The following MSI2 variants were observed in gnomAD, a reference collection of about 807,000 sequenced individuals.
MSI2 encodes RNA-binding protein Musashi homolog 2.
A neutral mutation model predicts 45.6 loss-of-function variants in MSI2; 17 were observed. The observed-to-expected ratio is 0.37, with a 90% CI of 0.26 to 0.56. The LOEUF is 0.56. Ranked by LOEUF, MSI2 falls within the 20% of genes least tolerant of loss-of-function variation. The pLI, the probability that MSI2 is intolerant of heterozygous loss-of-function variation, is 0.77. For synonymous variants in MSI2, 156 were observed against 158.2 expected, an observed-to-expected ratio of 0.99 and a Z score of 0.11; for missense variants, 293 against 444.2, an observed-to-expected ratio of 0.66 and a Z score of 3.06.
chr17:57,589,686 A>T (rs1043637410), intron 7 of MSI2, among the ~76,000 whole-genome samples: 1 of 152,098 alleles, frequency 6.6e-6, no homozygotes, highest in African/African-American at 2.4e-5. Flanking sequence ...CACCAAATCC[A>T]TCCCTGAACA....
At chr17:57,548,487 T>C (rs376250299) in intron 7 of MSI2, among the ~76,000 whole-genome samples, 1 of 152,170 alleles carries the variant, frequency 6.6e-6, no homozygotes. Flanking sequence ...TCATTTCCGA[T>C]GTGTCAGGAT....
chr17:57,627,076 C>A lies in MSI2; in HGVS notation c.653-153C>A, dbSNP rs1034702990. ...CCCCCGGCCACAGGAGAGAGGTGAC[C>A]CAGACCCTTAATAAAAAAACCCTCA... On this transcript the variant is annotated intron_variant, in intron 9 of 13. Transcript: ENST00000284073. This position sits in a 1 kb window ranked among gnomAD's most constrained non-coding sequence, Gnocchi z 4.6. The A allele has an allele frequency of 1.3e-5, 9 of 711,642 alleles. No individual in the cohort carries two copies. Among genetic ancestry groups the A allele is most frequent in the Non-Finnish European group, 2.0e-5 (8 of 406,822 alleles). 44.1% of individuals were successfully genotyped at this position (711,642 alleles called of 1,614,324 possible).
chr17:57,445,203 T>C (rs1197170671), intron 6 of MSI2, among the ~76,000 whole-genome samples: 2 of 152,168 alleles, frequency 1.3e-5, no homozygotes, highest in African/African-American at 4.8e-5. Context: ...TGTGAAATTT[T>C]TAGGAGATGA....
At chr17:57,328,387 C>T (rs1913995577) in intron 5 of MSI2, among the ~76,000 whole-genome samples, 1 of 152,234 alleles carries the variant, frequency 6.6e-6, no homozygotes, top group Non-Finnish European at 1.5e-5. Context: ...CTTCATCCAT[C>T]AATCCATCCA....
At chr17:57,459,496 A>AT (rs1353057795) in intron 6 of MSI2, among the ~76,000 whole-genome samples, 1 of 152,152 alleles carries the variant, frequency 6.6e-6, no homozygotes, top group Non-Finnish European at 1.5e-5. Flanking sequence ...AGGTCCATAA[A>AT]TGTCCCGAGG....
chr17:57,613,727 G>A (rs1008220925), intron 8 of MSI2, among the ~76,000 whole-genome samples: 3 of 152,152 alleles, frequency 2.0e-5, no homozygotes, highest in African/African-American at 7.2e-5. Flanking sequence ...TTTATTAGCC[G>A]TCTGTGAATT....
rs148675017 is a variant in MSI2 at position 57,616,014 on chromosome 17, T to C, written c.582T>C (p.Pro194=). 8.5e-5 allele frequency: 137 copies of C among 1,614,192 alleles called. No individual in the cohort carries two copies. The African/African-American group carries it at 1.5e-3, about 18-fold the overall frequency. ...KAQPKEVMFP[P]GTRGRARGLP... ...AGCCGAAAGAAGTCATGTTCCCACC[T>C]GGGACAAGAGGCCGGGCCCGGGGAC... The change falls in exon 9 of 14, where the codon CCT becomes CCC. Residue 194 remains proline (P), a synonymous_variant. Coordinates refer to ENST00000284073, the MANE Select transcript of MSI2 (RefSeq NM_138962.4).
chr17:57,606,461 C>G (rs1164130843), intron 8 of MSI2: 1 of 152,210 alleles, frequency 6.6e-6, no homozygotes, highest in Non-Finnish European at 1.5e-5. Flanking sequence ...GGAGCCTTAG[C>G]CCTAGGCTAG....
chr17:57,466,370 C>T (rs1008450281), intron 6 of MSI2, among the ~76,000 whole-genome samples: 10 of 152,180 alleles, frequency 6.6e-5, no homozygotes, highest in South Asian at 2.1e-4. Context: ...GCTCAGCAGC[C>T]GGTCTTTTGT....
intron 4 of MSI2, among the ~76,000 whole-genome samples, chr17:57,258,733 C>G (rs1907046723): frequency 6.6e-6 from 1 of 152,192 alleles, no homozygotes; most frequent in Non-Finnish European, 1.5e-5. Context: ...TGAGAAGGCA[C>G]AGCCTGCTTT....
intron 6 of MSI2, among the ~76,000 whole-genome samples, chr17:57,500,434 C>G (rs577324354): frequency 4.7e-4 from 69 of 147,876 alleles, no homozygotes; most frequent in South Asian, 3.3e-3. Flanking sequence ...CATATAGACT[C>G]TTGGGTGCAG....
intron 10 of MSI2, among the ~76,000 whole-genome samples, chr17:57,633,354 G>A (rs1216690670): frequency 6.6e-6 from 1 of 152,230 alleles, no homozygotes; most frequent in Non-Finnish European, 1.5e-5. Context: ...GGCATCCCCT[G>A]TACTTGCTTG....
chr17:57,677,964 A>T (rs1913350700), intron 13 of MSI2, among the ~76,000 whole-genome samples: 1 of 152,194 alleles, frequency 6.6e-6, no homozygotes, highest in Non-Finnish European at 1.5e-5. Flanking sequence ...TGGAACATGG[A>T]TCTGTCTCTG....
At chr17:57,299,398 G>T (rs549421837) in intron 5 of MSI2, among the ~76,000 whole-genome samples, 1 of 152,288 alleles carries the variant, frequency 6.6e-6, no homozygotes, top group Non-Finnish European at 1.5e-5. Context: ...CTAAGCTTAA[G>T]CCTTCCTAGC....
At chr17:57,453,278 G>A (rs1306192315) in intron 6 of MSI2, among the ~76,000 whole-genome samples, 2 of 152,260 alleles carry the variant, frequency 1.3e-5, no homozygotes, top group African/African-American at 4.8e-5. Context: ...TAGGACTACA[G>A]GCATGAGCCA....
the MSI2 span, among the ~76,000 whole-genome samples, chr17:57,693,940 A>G: frequency 2.2e-4 from 34 of 152,362 alleles, no homozygotes; most frequent in African/African-American, 8.2e-4. Context: ...ATATTTTTAA[A>G]TGTGTCAAAT....
intron 8 of MSI2, among the ~76,000 whole-genome samples, chr17:57,612,813 A>G (rs953275303): frequency 6.6e-6 from 1 of 152,224 alleles, no homozygotes; most frequent in Non-Finnish European, 1.5e-5. Flanking sequence ...TCATAAGACA[A>G]TGCAGTAGAT....
intron 6 of MSI2, among the ~76,000 whole-genome samples, chr17:57,491,826 A>C (rs868673371): frequency 3.1e-4 from 47 of 152,300 alleles, no homozygotes; most frequent in African/African-American, 9.1e-4. Context: ...CTGTTCATTC[A>C]ACCTTTCTAG....
intron 5 of MSI2, among the ~76,000 whole-genome samples, chr17:57,393,785 G>C (rs894719098): frequency 6.6e-6 from 1 of 152,200 alleles, no homozygotes; most frequent in East Asian, 1.9e-4. Flanking sequence ...GGGTTCAAGT[G>C]ATTCTCCTGC....
Sources: allele counts gnomAD v4.1 joint callset (sites outside exome capture counted in the v4.1 genomes callset), GRCh38; gene constraint gnomAD v4.1.1; non-coding constraint Gnocchi (gnomAD v3.1); transcripts MANE v1.5; gene names NCBI Gene and HGNC (gene_info 2026-07-23, HGNC 2026-07-21).